The following MACC1 variants were observed in gnomAD, a reference collection of about 807,000 sequenced individuals.
The protein encoded by MACC1 is MET transcriptional regulator MACC1, also known as metastasis-associated in colon cancer protein 1.
Under a neutral mutation model 70.7 loss-of-function variants are expected in MACC1, and 79 were observed. That is an observed-to-expected ratio of 1.12 (90% confidence interval 0.93 to 1.35). The LOEUF (loss-of-function observed/expected upper bound fraction) is 1.35. Ranked by LOEUF, MACC1 falls within the 40% of genes most tolerant of loss-of-function variation. MACC1 has a pLI of 0.00. For synonymous variants in MACC1, 361 were observed against 347.2 expected (o/e 1.04, Z -0.44); for missense variants, 1,106 against 978.1 (o/e 1.13, Z -1.74).
chr7:20,171,428 A>G (rs9632556), intron 1 of MACC1, among the ~76,000 whole-genome samples: 95,386 of 150,468 alleles, frequency 0.63, 31,384 homozygotes, highest in East Asian at 0.9. Context: ...ATTTTTTTTT[A>G]TATTTTTAGT....
intron 2 of MACC1, among the ~76,000 whole-genome samples, chr7:20,164,645 G>A (rs761119111): frequency 4.6e-5 from 7 of 152,092 alleles, no homozygotes; most frequent in Non-Finnish European, 8.8e-5. Flanking sequence ...CAAGTTGCAC[G>A]GAAACCTCAA....
chr7:20,168,912 T>G (rs183644556), intron 2 of MACC1, among the ~76,000 whole-genome samples: 1 of 152,208 alleles, frequency 6.6e-6, no homozygotes, highest in African/African-American at 2.4e-5. Flanking sequence ...AAGTTAAAGA[T>G]AGGAGTCACG....
At chr7:20,173,654 C>T (rs1241528549) in intron 1 of MACC1, among the ~76,000 whole-genome samples, 1 of 152,180 alleles carries the variant, frequency 6.6e-6, no homozygotes, top group Non-Finnish European at 1.5e-5. Flanking sequence ...GTGTGTTTGC[C>T]TAGCATTATC....
chr7:20,150,990 G>A (rs1030368408), intron 6 of MACC1, among the ~76,000 whole-genome samples: 2 of 151,544 alleles, frequency 1.3e-5, no homozygotes, highest in Non-Finnish European at 2.9e-5. Context: ...GGAGGTTACA[G>A]AGAGCTGAGA....
intron 6 of MACC1, among the ~76,000 whole-genome samples, chr7:20,143,760 A>G (rs1045064994): frequency 6.6e-5 from 10 of 152,194 alleles, no homozygotes; most frequent in African/African-American, 2.2e-4. Flanking sequence ...ATTTGGGTAC[A>G]ATACTGAGTC....
chr7:20,212,889 C>T (rs1382130993), intron 1 of MACC1, among the ~76,000 whole-genome samples: 3 of 152,102 alleles, frequency 2.0e-5, no homozygotes, highest in East Asian at 1.9e-4. Context: ...TTTCTGTAGG[C>T]GGAAGAATAC....
At chr7:20,145,368 G>T (rs896947666) in intron 6 of MACC1, among the ~76,000 whole-genome samples, 1 of 152,094 alleles carries the variant, frequency 6.6e-6, no homozygotes, top group Non-Finnish European at 1.5e-5. Context: ...AGGTATCAAA[G>T]AAATGGAAGA....
At chr7:20,142,117 G>A (rs2073295822) in intron 6 of MACC1, 2 of 152,152 alleles carry the variant, frequency 1.3e-5, no homozygotes, top group Admixed American at 6.5e-5. Flanking sequence ...GCAAAATGTA[G>A]GAACATAGAC....
chr7:20,201,209 C>T (rs1372223313), intron 1 of MACC1, among the ~76,000 whole-genome samples: 1 of 152,108 alleles, frequency 6.6e-6, no homozygotes, highest in Non-Finnish European at 1.5e-5. Flanking sequence ...TCATGCAATA[C>T]AAGAGGCCAA....
chr7:20,179,473 A>T (rs565715259), intron 1 of MACC1, among the ~76,000 whole-genome samples: 2 of 151,910 alleles, frequency 1.3e-5, no homozygotes, highest in East Asian at 3.9e-4. Context: ...TGTCCAGTGG[A>T]TTTCGGTTGC....
chr7:20,214,005 C>A (rs1419476094), intron 1 of MACC1, among the ~76,000 whole-genome samples: 1 of 151,992 alleles, frequency 6.6e-6, no homozygotes, highest in East Asian at 1.9e-4. Flanking sequence ...ACTCCTTCAT[C>A]CTCTGCTTCT....
intron 1 of MACC1, among the ~76,000 whole-genome samples, chr7:20,215,042 T>C (rs1343332344): frequency 6.6e-6 from 1 of 152,092 alleles, no homozygotes; most frequent in Non-Finnish European, 1.5e-5. Flanking sequence ...AGGAAGTCAC[T>C]CCACTCTGCT....
rs1781696501 is a variant in MACC1 at position 20,134,669 on chromosome 7, GACTC to G, written c.*6273_*6276del. On this transcript the variant is annotated 3_prime_UTR_variant, in exon 7 of 7. Transcript: ENST00000400331. ...ATAACTAAAGATTTGATTTTTCAAT[GACTC>G]ACTCTATTTTCATGAACAAGTTAAA... 1.3e-5 allele frequency: 2 copies of G among 152,162 alleles called. No individual in the cohort carries two copies. Among genetic ancestry groups the G allele is most frequent in the Admixed American group, 6.5e-5 (1 of 15,282 alleles). The allele number at this position is 152,162 out of a possible 1,614,324, so 9.4% of individuals were successfully genotyped here.
intron 1 of MACC1, among the ~76,000 whole-genome samples, chr7:20,188,347 C>T (rs980297720): frequency 7.9e-5 from 12 of 152,130 alleles, no homozygotes; most frequent in Non-Finnish European, 1.3e-4. Flanking sequence ...GTGAGCTGCC[C>T]GTGCTATCAG....
intron 1 of MACC1, among the ~76,000 whole-genome samples, chr7:20,201,624 C>T (rs1415551526): frequency 6.6e-6 from 1 of 152,176 alleles, no homozygotes; most frequent in Non-Finnish European, 1.5e-5. Flanking sequence ...CTGTGATTTA[C>T]ATTTCAGGAA....
chr7:20,159,732 G>T lies in MACC1; in HGVS notation c.629C>A (p.Ala210Glu), dbSNP rs535198484. 5 of 1,614,072 alleles carry T rather than the reference G, an allele frequency of 3.1e-6. No individual in the cohort carries two copies. Among genetic ancestry groups the T allele is most frequent in the East Asian group, 2.2e-5 (1 of 44,876 alleles). ...TACTTTGCAAGCTATGGTGACCTCCGCAAGTTGTGTCTGGGCCCATCCAGG... is the reference window on the plus strand; with the variant it reads ...TACTTTGCAAGCTATGGTGACCTCCTCAAGTTGTGTCTGGGCCCATCCAGG... ...QSPGWAQTQL[A>E]EVTIACKVNH... is the part of the protein sequence containing the mutation. The change falls in exon 5 of 7, where the codon GCG becomes GAG. Residue 210 changes from alanine to glutamate, a missense_variant. By Grantham distance (107) the Ala-to-Glu change is moderately radical. Coordinates refer to ENST00000400331, the MANE Select transcript of MACC1 (RefSeq NM_182762.4).
At chr7:20,160,637 A>C (rs1782127900) in intron 4 of MACC1, among the ~76,000 whole-genome samples, 1 of 152,150 alleles carries the variant, frequency 6.6e-6, no homozygotes, top group Non-Finnish European at 1.5e-5. Flanking sequence ...CAAATAGAAT[A>C]AATCAGTTAT....
chr7:20,162,208 G>T (rs1025625211), intron 3 of MACC1, among the ~76,000 whole-genome samples: 1 of 152,096 alleles, frequency 6.6e-6, no homozygotes, highest in Non-Finnish European at 1.5e-5. Context: ...CCTGTTTGGC[G>T]ATTGGAGGAC....
intron 1 of MACC1, among the ~76,000 whole-genome samples, chr7:20,215,861 AAAATATTCTATTTGT>A (rs1262722437): frequency 1.3e-5 from 2 of 152,208 alleles, no homozygotes; most frequent in Admixed American, 1.3e-4. Context: ...CAAACAGATA[AAAATATTCTATTTGT>A]AAATTAGCTA....
Sources: allele counts gnomAD v4.1 joint callset (sites outside exome capture counted in the v4.1 genomes callset), GRCh38; gene constraint gnomAD v4.1.1; transcripts MANE v1.5; gene names NCBI Gene and HGNC (gene_info 2026-07-23, HGNC 2026-07-21).